The following ATP7A variants were observed in gnomAD, a reference collection of about 807,000 sequenced individuals.
ATP7A encodes the protein ATPase copper transporting alpha, also known as copper-transporting ATPase 1.
Under a neutral mutation model 83.5 loss-of-function variants are expected in ATP7A, and 7 were observed. That is an observed-to-expected ratio of 0.08 (90% confidence interval 0.05 to 0.16). The LOEUF (loss-of-function observed/expected upper bound fraction) is 0.16, where lower values mean the gene tolerates loss of function less well. Ranked by LOEUF, ATP7A falls within the 10% of genes least tolerant of loss-of-function variation. The pLI is 1.00. For missense variants in ATP7A, 940 were observed against 1,120.8 expected, an observed-to-expected ratio of 0.84 and a Z score of 2.30; for synonymous variants, 354 against 395.2, an observed-to-expected ratio of 0.90 and a Z score of 1.24.
Position 77,927,178 on chromosome X carries a change from T to C in ATP7A, c.-22+16343T>C, listed in dbSNP as rs2077246449. Among the ~76,000 whole-genome samples the C allele has an allele frequency of 2.7e-5, 3 of 112,053 alleles. No individual in the cohort carries two copies. The Admixed American group carries it at 2.8e-4, about 11-fold the overall frequency. On this transcript the variant is annotated intron_variant, in intron 1 of 22. Coordinates refer to ENST00000341514, the MANE Select transcript of ATP7A (RefSeq NM_000052.7). ...ATATGTGCTAACTAAATGAAGAAAGTAGAAATCACTCTTAATTCCACCATC... is the reference window on the plus strand; with the variant it reads ...ATATGTGCTAACTAAATGAAGAAAGCAGAAATCACTCTTAATTCCACCATC...
At chrX:77,999,630 AC>A (rs2077726174) in intron 5 of ATP7A, among the ~76,000 whole-genome samples, 1 of 111,568 alleles carries the variant, frequency 9.0e-6, no homozygotes, top group Admixed American at 9.6e-5. Flanking sequence ...ATGGCCAGGC[AC>A]GGTGACTCAC....
intron 1 of ATP7A, among the ~76,000 whole-genome samples, chrX:77,956,745 T>TTCTTTCTTTC (rs1430738401): frequency 1.9e-4 from 18 of 96,756 alleles, no homozygotes; most frequent in African/African-American, 6.8e-4. Context: ...CTTTCTTTCT[T>TTCTTTCTTTC]TCTTTCTTTC....
At chrX:77,994,979 C>A (rs1177886371) in intron 4 of ATP7A, among the ~76,000 whole-genome samples, 1 of 111,688 alleles carries the variant, frequency 9.0e-6, no homozygotes, top group Non-Finnish European at 1.9e-5. Context: ...ATACTAATGG[C>A]CATGATGGGT....
intron 19 of ATP7A, among the ~76,000 whole-genome samples, chrX:78,041,170 T>C (rs782319987): frequency 1.8e-5 from 2 of 111,915 alleles, no homozygotes; most frequent in East Asian, 5.6e-4. Context: ...TGCTCCTGAC[T>C]CCCACATCTG....
At chrX:77,959,089 G>A (rs2077461576) in intron 1 of ATP7A, among the ~76,000 whole-genome samples, 1 of 110,877 alleles carries the variant, frequency 9.0e-6, no homozygotes, top group Non-Finnish European at 1.9e-5. Flanking sequence ...CACCCAGCCA[G>A]TGCTTTATAG....
chrX:78,002,737 A>G lies in ATP7A; in HGVS notation c.1544-336A>G, dbSNP rs782221087. 1.7e-4 allele frequency among the ~76,000 whole-genome samples: 18 copies of G among 108,413 alleles called. No individual in the cohort carries two copies. In the East Asian group the frequency reaches 3.8e-3, roughly 23 times the overall value. 94.1% of individuals were successfully genotyped at this position (108,413 alleles called of 115,157 possible). On this transcript the variant is annotated intron_variant, in intron 5 of 22. Transcript: ENST00000341514. ...GTGGAGGGTGTAGGAATGTATATGA[A>G]ATAAGATTAGCCAAGTATTATGAAG...
chrX:77,995,410 C>CA (rs1557232427), intron 4 of ATP7A, among the ~76,000 whole-genome samples: 2 of 107,828 alleles, frequency 1.9e-5, no homozygotes, highest in African/African-American at 6.8e-5. Context: ...ATTAAATATA[C>CA]AAAAAAAATT....
intron 14 of ATP7A, among the ~76,000 whole-genome samples, chrX:78,024,006 C>G (rs1170712773): frequency 2.7e-5 from 3 of 111,288 alleles, no homozygotes; most frequent in African/African-American, 9.8e-5. Context: ...TTTCATTCTT[C>G]TGCATATGGC....
chrX:77,991,025 A>T (rs1017829437), intron 4 of ATP7A, among the ~76,000 whole-genome samples: 1 of 112,021 alleles, frequency 8.9e-6, no homozygotes, highest in Non-Finnish European at 1.9e-5. Flanking sequence ...TTGGTGACAA[A>T]TGGTAGAAAT....
Position 78,049,210 on chromosome X carries a change from C to T in ATP7A, c.*2640C>T, listed in dbSNP as rs1299721053. On this transcript the variant is annotated 3_prime_UTR_variant, in exon 23 of 23. Coordinates refer to ENST00000341514, the MANE Select transcript of ATP7A (RefSeq NM_000052.7). ...TTTCAGTTAGTAGCTAGCTTTAAGTCAGGAGTTAGTAATGAGAAATTTTAT... is the reference window on the plus strand; with the variant it reads ...TTTCAGTTAGTAGCTAGCTTTAAGTTAGGAGTTAGTAATGAGAAATTTTAT... 2.7e-5 allele frequency: 3 copies of T among 111,170 alleles called. No individual in the cohort carries two copies. Among genetic ancestry groups the T allele is most frequent in the African/African-American group, 3.3e-5 (1 of 30,624 alleles). 9.2% of individuals were successfully genotyped at this position (111,170 alleles called of 1,213,427 possible).
intron 1 of ATP7A, among the ~76,000 whole-genome samples, chrX:77,938,538 A>G (rs2077333114): frequency 8.9e-6 from 1 of 112,617 alleles, no homozygotes; most frequent in African/African-American, 3.2e-5. Flanking sequence ...AGTCTGCTAG[A>G]ACTAGACATG....
At chrX:77,958,785 GTT>G (rs1312033727) in intron 1 of ATP7A, among the ~76,000 whole-genome samples, 3 of 84,430 alleles carry the variant, frequency 3.6e-5, no homozygotes, top group African/African-American at 8.6e-5. Context: ...ATGTTTTATA[GTT>G]TTTTTTTTTT....
chrX:78,023,108 C>T (rs1985558277), intron 14 of ATP7A, among the ~76,000 whole-genome samples: 1 of 111,923 alleles, frequency 8.9e-6, no homozygotes, highest in Admixed American at 9.5e-5. Context: ...CTATGCTACT[C>T]AAAGGACATG....
At chrX:78,002,093 A>G (rs1370964990) in intron 5 of ATP7A, among the ~76,000 whole-genome samples, 14 of 106,614 alleles carry the variant, frequency 1.3e-4, no homozygotes, top group African/African-American at 4.5e-4. Context: ...TTTTTGAGAC[A>G]GGATCCTACT....
intron 1 of ATP7A, among the ~76,000 whole-genome samples, chrX:77,937,346 T>C (rs1438514843): frequency 8.9e-6 from 1 of 112,589 alleles, no homozygotes; most frequent in Non-Finnish European, 1.9e-5. Context: ...TTTTATACGT[T>C]TCTGATGGGA....
At chrX:78,025,794 A>T (rs1424106703) in intron 14 of ATP7A, among the ~76,000 whole-genome samples, 4 of 111,366 alleles carry the variant, frequency 3.6e-5, no homozygotes, top group African/African-American at 1.3e-4. Context: ...GTTTCCCTAA[A>T]GAAAAAAAAA....
intron 1 of ATP7A, among the ~76,000 whole-genome samples, chrX:77,955,139 A>G (rs2077433867): frequency 1.8e-5 from 2 of 110,812 alleles, no homozygotes; most frequent in Non-Finnish European, 1.9e-5. Context: ...CAATCTGTTG[A>G]ATTTGGAGTT....
intron 1 of ATP7A, among the ~76,000 whole-genome samples, chrX:77,937,910 C>T (rs1026344492): frequency 4.2e-4 from 45 of 107,489 alleles, no homozygotes; most frequent in African/African-American, 1.4e-3. Flanking sequence ...CACACACACA[C>T]ATACACACAC....
At position 77,969,525 on chromosome X, in the gene ATP7A, C is replaced by T. The variant is rs1171951930; in HGVS notation, c.-21-2096C>T. 21 of 1,209,581 alleles carry T rather than the reference C, an allele frequency of 1.7e-5. No individual in the cohort carries two copies. The highest frequency in any genetic ancestry group is 2.2e-5 in the Non-Finnish European group (20 of 895,245). ...CTCGTAGCGCCTGCCCGCCGCGCTT[C>T]GCCTCCTCGTGGCCCGCCGGGCTCA... On this transcript the variant is annotated intron_variant, in intron 1 of 22. Transcript: ENST00000341514.
Sources: gnomAD v4.1 joint callset for allele counts (sites outside exome capture counted in the v4.1 genomes callset) on GRCh38, gnomAD v4.1.1 for gene constraint, MANE v1.5 for transcripts, NCBI Gene and HGNC (gene_info 2026-07-23, HGNC 2026-07-21) for gene names.